Variants in HECW1 observed in about 807,000 individuals in gnomAD.
HECW1 encodes HECT, C2 and WW domain containing E3 ubiquitin protein ligase 1.
HECW1 carries 61 observed loss-of-function variants against 182.3 expected under a neutral mutation model. The ratio of observed to expected loss-of-function variants is 0.33; its 90% CI spans 0.27 to 0.41. HECW1 has a LOEUF of 0.41. Among genes scored for constraint, HECW1 ranks in the 10% least tolerant of loss-of-function variants. HECW1 has a pLI of 1.00. For synonymous variants in HECW1, 859 were observed against 832.6 expected (o/e 1.03, Z -0.55); for missense variants, 1,739 against 2,108.9 (o/e 0.82, Z 3.44).
At chr7:43,480,870 G>T (rs893959840) in intron 17 of HECW1, among the ~76,000 whole-genome samples, 1 of 152,114 alleles carries the variant, frequency 6.6e-6, no homozygotes, top group Admixed American at 6.6e-5. Context: ...CAAGGGAAGA[G>T]CCTATTGTTG....
At chr7:43,479,518 G>A (rs1388470031) in intron 16 of HECW1, 92 bp from the exon 17 acceptor site, 2 of 1,454,070 alleles carry the variant, frequency 1.4e-6, no homozygotes, top group Non-Finnish European at 1.9e-6. Flanking sequence ...TAAACCTGAG[G>A]CCTGGGCCCT....
intron 8 of HECW1, among the ~76,000 whole-genome samples, chr7:43,409,457 G>A (rs1321211346): frequency 1.4e-4 from 21 of 152,206 alleles, no homozygotes; most frequent in Admixed American, 1.4e-3. Flanking sequence ...TAGTCATAAA[G>A]GTGTTTTAAG....
intron 6 of HECW1, among the ~76,000 whole-genome samples, chr7:43,364,526 G>A (rs1047316400): frequency 2.0e-5 from 3 of 152,256 alleles, no homozygotes; most frequent in South Asian, 2.1e-4. Flanking sequence ...AGAGAAAGCC[G>A]TGACCAGGCA....
intron 24 of HECW1, among the ~76,000 whole-genome samples, chr7:43,513,313 T>C (rs1427898260): frequency 1.3e-5 from 2 of 152,214 alleles, no homozygotes; most frequent in Non-Finnish European, 2.9e-5. Context: ...GACGCGTGAA[T>C]GCTGCTTGTT....
intron 14 of HECW1, 125 bp from the exon 15 acceptor site, chr7:43,466,322 G>A: frequency 2.2e-6 from 2 of 909,378 alleles, no homozygotes; most frequent in Non-Finnish European, 3.4e-6. Context: ...AATGACACTT[G>A]GCCTAAATCC....
Position 43,500,692 on chromosome 7 carries a change from G to A in HECW1, c.3438-7G>A, listed in dbSNP as rs751853856. On this transcript the variant is annotated splice_polypyrimidine_tract_variant and splice_region_variant and intron_variant, in intron 19 of 29. Coordinates refer to ENST00000395891, the MANE Select transcript of HECW1 (RefSeq NM_015052.5). Reference sequence around the variant, plus strand: ...CTAATTTTCCTCTTCTTTCTCACATGATTCAGGGAGAAAATCCATTACATT... The same window carrying A: ...CTAATTTTCCTCTTCTTTCTCACATAATTCAGGGAGAAAATCCATTACATT... The A allele has an allele frequency of 7.5e-6, 12 of 1,608,514 alleles. No individual in the cohort carries two copies. The highest frequency in any genetic ancestry group is 1.0e-5 in the Non-Finnish European group (12 of 1,175,076).
In HECW1 at chr7:43,378,912, C is replaced by T. The variant is rs374957696; in HGVS notation, c.556-17902C>T. Among the ~76,000 whole-genome samples the T allele has an allele frequency of 1.2e-4, 18 of 152,232 alleles. No individual in the cohort carries two copies. The East Asian group carries it at 2.7e-3, about 23-fold the overall frequency. On this transcript the variant is annotated intron_variant, in intron 6 of 29. Transcript: ENST00000395891. ...GTCTCAAAAAACAAAATAAAAAACC[C>T]TTTGCGCTTTGAACAGGAAAGAAAA...
At position 43,305,744 on chromosome 7, in the gene HECW1, G is replaced by A. The variant is rs540865097; in HGVS notation, c.28-6019G>A. Among the ~76,000 whole-genome samples the A allele has an allele frequency of 2.4e-3, 361 of 150,968 alleles. 2 individuals carry two copies. The highest frequency in any genetic ancestry group is 4.2e-3 in the Non-Finnish European group (283 of 67,874). On this transcript the variant is annotated intron_variant, in intron 3 of 29. Coordinates refer to ENST00000395891, the MANE Select transcript of HECW1 (RefSeq NM_015052.5). ...AGCTTCAGCAGCTGCGATTACAGGC[G>A]CCCGTCACCACGCCCAGCTAATTTT...
intron 4 of HECW1, among the ~76,000 whole-genome samples, chr7:43,312,343 T>A (rs59809720): frequency 2.0e-3 from 312 of 152,334 alleles, no homozygotes; most frequent in African/African-American, 7.3e-3. Flanking sequence ...AATGTCATTA[T>A]CATTTGCAAC....
chr7:43,425,304 TGATAGATAGATA>T (rs60651990), intron 8 of HECW1, among the ~76,000 whole-genome samples: 27 of 148,364 alleles, frequency 1.8e-4, no homozygotes, highest in African/African-American at 4.2e-4. Flanking sequence ...GATAGATAGA[TGATAGATAGATA>T]GATAGATAGA....
intron 11 of HECW1, among the ~76,000 whole-genome samples, chr7:43,449,936 CAT>C (rs1481703469): frequency 6.6e-6 from 1 of 152,256 alleles, no homozygotes; most frequent in East Asian, 1.9e-4. Context: ...CACTTCAGAA[CAT>C]CGTTCAGTTC....
chr7:43,529,956 TA>T (rs1400752275), intron 24 of HECW1, among the ~76,000 whole-genome samples: 1 of 144,308 alleles, frequency 6.9e-6, no homozygotes, highest in African/African-American at 2.4e-5. Flanking sequence ...TATTTTTATT[TA>T]TTTTTTTTTT....
At chr7:43,160,668 A>G (rs1422431144) in intron 2 of HECW1, among the ~76,000 whole-genome samples, 4 of 151,932 alleles carry the variant, frequency 2.6e-5, no homozygotes, top group Non-Finnish European at 5.9e-5. Flanking sequence ...ACTGTTAATT[A>G]TTGTCATTTA....
intron 5 of HECW1, among the ~76,000 whole-genome samples, chr7:43,357,521 A>G (rs1018466896): frequency 2.0e-5 from 3 of 152,162 alleles, no homozygotes; most frequent in African/African-American, 7.2e-5. Flanking sequence ...AGTGGATCTC[A>G]TGGAGATTGA....
intron 12 of HECW1, among the ~76,000 whole-genome samples, chr7:43,451,559 C>G (rs903648178): frequency 6.6e-6 from 1 of 152,102 alleles, no homozygotes; most frequent in Non-Finnish European, 1.5e-5. Context: ...TTCATTTAAT[C>G]TCTCAGGGAC....
Position 43,276,034 on chromosome 7 carries a change from G to A in HECW1, c.27+32102G>A, listed in dbSNP as rs193170474. On this transcript the variant is annotated intron_variant, in intron 3 of 29. Coordinates refer to ENST00000395891, the MANE Select transcript of HECW1 (RefSeq NM_015052.5). Reference sequence around the variant, plus strand: ...GGTTTAAGGAATAAGGAGGTTTAAAGAATCAATTGTGCAGAAGGCCCCTTA... The same window carrying A: ...GGTTTAAGGAATAAGGAGGTTTAAAAAATCAATTGTGCAGAAGGCCCCTTA... Among the ~76,000 whole-genome samples the A allele has an allele frequency of 5.7e-4, 87 of 152,316 alleles. 1 individual carries two copies. The highest frequency in any genetic ancestry group is 2.1e-3 in the African/African-American group (87 of 41,576).
chr7:43,166,096 T>C (rs1263579215), intron 2 of HECW1, among the ~76,000 whole-genome samples: 2 of 152,230 alleles, frequency 1.3e-5, no homozygotes, highest in African/African-American at 4.8e-5. Context: ...GTTTTTGGTT[T>C]TTTTTGAGAC....
chr7:43,389,423 C>T (rs1465234573), intron 6 of HECW1, among the ~76,000 whole-genome samples: 2 of 152,148 alleles, frequency 1.3e-5, no homozygotes, highest in Non-Finnish European at 2.9e-5. Flanking sequence ...GAGCAGATGC[C>T]ACTCAATTAT....
intron 7 of HECW1, among the ~76,000 whole-genome samples, chr7:43,402,172 G>C (rs2075443349): frequency 6.6e-6 from 1 of 152,110 alleles, no homozygotes; most frequent in Non-Finnish European, 1.5e-5. Flanking sequence ...GATTCTTCCT[G>C]GACGCCAGAC....
Sources: gnomAD v4.1 joint callset for allele counts (sites outside exome capture counted in the v4.1 genomes callset) on GRCh38, gnomAD v4.1.1 for gene constraint, MANE v1.5 for transcripts, NCBI Gene and HGNC (gene_info 2026-07-23, HGNC 2026-07-21) for gene names.